TAF1B: variants seen among roughly 807,000 people sequenced by gnomAD.
The protein encoded by TAF1B is TATA box-binding protein-associated factor RNA polymerase I subunit B.
TAF1B carries 61 observed loss-of-function variants against 83.9 expected under a neutral mutation model. The observed-to-expected ratio is 0.73, with a 90% CI of 0.59 to 0.90. TAF1B has a LOEUF of 0.90. Ranked by LOEUF, TAF1B falls within the 40% of genes least tolerant of loss-of-function variation. TAF1B has a pLI of 0.00. For missense variants in TAF1B, 625 were observed against 677.0 expected (o/e 0.92, Z 0.85); for synonymous variants, 221 against 224.6 (o/e 0.98, Z 0.14).
intron 5 of TAF1B, 105 bp downstream of exon 5, chr2:9,854,526 T>A: frequency 1.3e-6 from 1 of 778,612 alleles, no homozygotes; most frequent in Non-Finnish European, 2.1e-6. Context: ...ATGATGCTTG[T>A]CAGAGGATTT....
chr2:9,844,442 TCCCCCG>T (rs1456968332), intron 1 of TAF1B: 1 of 152,040 alleles, frequency 6.6e-6, no homozygotes, highest in African/African-American at 2.4e-5. Context: ...ATAGGGGTGA[TCCCCCG>T]CCCTCGGCCA....
At chr2:9,850,430 G>T (rs1453791919) in intron 3 of TAF1B, among the ~76,000 whole-genome samples, 2 of 152,190 alleles carry the variant, frequency 1.3e-5, no homozygotes, top group African/African-American at 2.4e-5. Flanking sequence ...AGAACAGTAT[G>T]CAGGAAGAGG....
rs371475463 is a variant in TAF1B, at chr2:9,916,837, CTTT to C, written c.1272-2188_1272-2186del. Among the ~76,000 whole-genome samples, 190 of 95,744 alleles carry C rather than the reference CTTT, an allele frequency of 2.0e-3. 5 individuals are homozygous for C. Among genetic ancestry groups the C allele is most frequent in the Non-Finnish European group, 9.9e-4 (44 of 44,412 alleles). 62.8% of individuals were successfully genotyped at this position (95,744 alleles called of 152,430 possible). On this transcript the variant is annotated intron_variant, in intron 12 of 14. Coordinates refer to ENST00000263663, the MANE Select transcript of TAF1B (RefSeq NM_005680.3). ...TGATTAGAAAAATTTCCTTTCTGTT[CTTT>C]TTTTTTTTTTTTTTTGAGATGGATT... is the stretch of plus-strand genomic sequence containing the variant.
chr2:9,900,981 C>CT (rs1457588920), intron 8 of TAF1B, among the ~76,000 whole-genome samples: 1 of 152,100 alleles, frequency 6.6e-6, no homozygotes, highest in Non-Finnish European at 1.5e-5. Flanking sequence ...GAGGGTTTCT[C>CT]TAAGTTGTCA....
At chr2:9,907,024 C>T (rs982230125) in intron 9 of TAF1B, among the ~76,000 whole-genome samples, 2 of 152,022 alleles carry the variant, frequency 1.3e-5, no homozygotes, top group African/African-American at 4.8e-5. Context: ...ACTGCAGGCA[C>T]GCACCACCAT....
chr2:9,859,147 TG>T (rs1663664332), intron 5 of TAF1B, among the ~76,000 whole-genome samples: 1 of 152,140 alleles, frequency 6.6e-6, no homozygotes, highest in African/African-American at 2.4e-5. Flanking sequence ...CATGACTGAA[TG>T]CTTTCAGGAT....
At position 9,919,779 on chromosome 2, in the gene TAF1B, G is replaced by T; in HGVS notation, c.1524G>T (p.Lys508Asn). The T allele has an allele frequency of 3.7e-6, 6 of 1,614,164 alleles. No individual in the cohort carries two copies. Among genetic ancestry groups the T allele is most frequent in the Non-Finnish European group, 3.4e-6 (4 of 1,180,008 alleles). ...AGAAAGGCCAATCACTGCTGACTAA[G>T]AATTCATTATATTGGCTTAGTACAC... ...LKEKGQSLLT[K>N]NSLYWLSTQK... is the part of the protein sequence containing the mutation. Residue 508 changes from lysine to asparagine, a missense_variant, in exon 14 of 15, where the codon AAG becomes AAT. Coordinates refer to ENST00000263663, the MANE Select transcript of TAF1B (RefSeq NM_005680.3).
In TAF1B at chr2:9,873,629, T is replaced by G. The variant is rs892722804; in HGVS notation, c.554-2236T>G. 3.7e-3 allele frequency among the ~76,000 whole-genome samples: 566 copies of G among 151,836 alleles called. 5 individuals are homozygous for G. Among genetic ancestry groups the G allele is most frequent in the Non-Finnish European group, 5.4e-3 (365 of 67,936 alleles). On this transcript the variant is annotated intron_variant, in intron 6 of 14. Coordinates refer to ENST00000263663, the MANE Select transcript of TAF1B (RefSeq NM_005680.3). ...TCGCTCATCAAACTGGATTTTTTTT[T>G]TTTTTTTTTTTGGCCATCTTCCTTG...
intron 4 of TAF1B, chr2:9,852,025 A>G (rs1157989659): frequency 1.1e-5 from 5 of 473,480 alleles, no homozygotes; most frequent in Admixed American, 4.7e-5. Context: ...GTATGTACAT[A>G]ACGTCCATCA....
chr2:9,926,323 T>C (rs1318800847), intron 14 of TAF1B, among the ~76,000 whole-genome samples: 1 of 152,198 alleles, frequency 6.6e-6, no homozygotes, highest in East Asian at 1.9e-4. Flanking sequence ...GGCCCATATA[T>C]TGCAAGTGGT....
chr2:9,902,515 A>T (rs1358349470), intron 8 of TAF1B, among the ~76,000 whole-genome samples: 2 of 152,158 alleles, frequency 1.3e-5, no homozygotes, highest in Non-Finnish European at 2.9e-5. Context: ...TCTCTTTTGC[A>T]TCTGGCTTTT....
At chr2:9,866,642 G>C (rs62127129) in intron 5 of TAF1B, among the ~76,000 whole-genome samples, 36,795 of 152,082 alleles carry the variant, frequency 0.24, 5,030 homozygotes, top group East Asian at 0.31. Flanking sequence ...CACACGTATG[G>C]TTATTGCGGC....
intron 3 of TAF1B, among the ~76,000 whole-genome samples, chr2:9,850,194 G>T (rs897100457): frequency 1.3e-5 from 2 of 152,070 alleles, no homozygotes; most frequent in South Asian, 4.1e-4. Context: ...TTTTATTGGA[G>T]TAAAACCTGA....
chr2:9,868,589 C>G, intron 6 of TAF1B, 160 bp downstream of exon 6: 1 of 1,096,934 alleles, frequency 9.1e-7, no homozygotes. Flanking sequence ...CTAAGACAAA[C>G]TAAGTGAAAT....
intron 2 of TAF1B, chr2:9,846,047 C>T (rs1371073465): frequency 4.3e-6 from 2 of 469,842 alleles, no homozygotes; most frequent in Non-Finnish European, 8.8e-6. Context: ...ATCCTTTTAC[C>T]TTTGTATAGT....
chr2:9,892,521 G>A (rs1272599144), intron 8 of TAF1B, among the ~76,000 whole-genome samples: 1 of 152,168 alleles, frequency 6.6e-6, no homozygotes, highest in Non-Finnish European at 1.5e-5. Context: ...CTTCATATAA[G>A]TGAGATCATG....
intron 3 of TAF1B, among the ~76,000 whole-genome samples, chr2:9,851,244 G>GGTTA (rs919263382): frequency 6.6e-6 from 1 of 151,906 alleles, no homozygotes; most frequent in Non-Finnish European, 1.5e-5. Flanking sequence ...CTGCCTCTTA[G>GGTTA]GTTAATATTT....
intron 5 of TAF1B, among the ~76,000 whole-genome samples, chr2:9,857,603 C>A (rs1663604995): frequency 6.6e-6 from 1 of 152,154 alleles, no homozygotes; most frequent in South Asian, 2.1e-4. Context: ...CTACCTGAGA[C>A]AGGGCAATTT....
chr2:9,929,370 A>G (rs570389954), intron 14 of TAF1B, among the ~76,000 whole-genome samples: 1 of 152,176 alleles, frequency 6.6e-6, no homozygotes, highest in South Asian at 2.1e-4. Context: ...GTGTTAGCCA[A>G]GACGGTCTCA....
Sources: gnomAD v4.1 joint callset for allele counts (sites outside exome capture counted in the v4.1 genomes callset) on GRCh38, gnomAD v4.1.1 for gene constraint, MANE v1.5 for transcripts, NCBI Gene and HGNC (gene_info 2026-07-23, HGNC 2026-07-21) for gene names.